Variants in NTN1 observed in about 807,000 individuals in gnomAD.
NTN1 encodes the protein netrin 1, also known as netrin-1.
NTN1 carries 11 observed loss-of-function variants against 54.2 expected under a neutral mutation model. The ratio of observed to expected loss-of-function variants is 0.20; its 90% CI spans 0.13 to 0.34. The LOEUF (loss-of-function observed/expected upper bound fraction) is 0.34. NTN1 is among the 10% of genes least tolerant of loss of function. NTN1 has a pLI of 1.00. For synonymous variants in NTN1, 371 were observed against 382.0 expected (o/e 0.97, Z 0.33); for missense variants, 740 against 893.1 (o/e 0.83, Z 2.18).
chr17:9,054,447 C>T (rs879851186), intron 2 of NTN1, among the ~76,000 whole-genome samples: 14 of 152,072 alleles, frequency 9.2e-5, no homozygotes, highest in Non-Finnish European at 1.6e-4. Flanking sequence ...GAATGGAAGG[C>T]GGGGCAGCGA....
chr17:9,227,876 TCA>T (rs1233336488), intron 6 of NTN1, among the ~76,000 whole-genome samples: 1 of 150,216 alleles, frequency 6.7e-6, no homozygotes, highest in Non-Finnish European at 1.5e-5. Context: ...ACACACCCCA[TCA>T]CACACACACC....
intron 4 of NTN1, among the ~76,000 whole-genome samples, chr17:9,182,349 C>T (rs909202547): frequency 2.0e-5 from 3 of 152,246 alleles, no homozygotes; most frequent in Admixed American, 2.0e-4. Flanking sequence ...CTTGGATCTG[C>T]ACTCTCAGTC....
chr17:9,123,652 G>T (rs1039206732), intron 2 of NTN1, among the ~76,000 whole-genome samples: 1 of 152,076 alleles, frequency 6.6e-6, no homozygotes, highest in African/African-American at 2.4e-5. Flanking sequence ...AAAGTCAAGT[G>T]TAACTATTGT....
In NTN1 at chr17:9,239,320, G is replaced by A. The variant is rs926002368; in HGVS notation, c.1487-320G>A. 3.9e-5 allele frequency among the ~76,000 whole-genome samples: 6 copies of A among 152,218 alleles called. No homozygotes were observed. Among genetic ancestry groups the A allele is most frequent in the Non-Finnish European group, 7.3e-5 (5 of 68,036 alleles). On this transcript the variant is annotated intron_variant, in intron 6 of 6. Coordinates refer to ENST00000173229, the MANE Select transcript of NTN1 (RefSeq NM_004822.3). This position sits in a 1 kb window ranked among gnomAD's most constrained non-coding sequence, Gnocchi z 5.2. ...CCCGAGCGCCTGCCCTGGGCAGACA[G>A]CTTGCCCAGAGTGCTGGGGGCGTGG...
At chr17:9,058,660 A>G (rs1044850476) in intron 2 of NTN1, among the ~76,000 whole-genome samples, 22 of 151,016 alleles carry the variant, frequency 1.5e-4, no homozygotes, top group African/African-American at 2.2e-4. Flanking sequence ...AAAAAAAAAA[A>G]AAAAGAAAAG....
chr17:9,137,934 GT>G (rs2092286167), intron 2 of NTN1, among the ~76,000 whole-genome samples: 1 of 152,226 alleles, frequency 6.6e-6, no homozygotes, highest in East Asian at 1.9e-4. Context: ...CAGGGCCCAC[GT>G]GCCTGCAGTG....
chr17:9,232,777 C>G (rs1330366193), intron 6 of NTN1, among the ~76,000 whole-genome samples: 2 of 152,102 alleles, frequency 1.3e-5, no homozygotes, highest in Non-Finnish European at 2.9e-5. Flanking sequence ...TCCCACACTC[C>G]CCGGCAAGGA....
the NTN1 span, among the ~76,000 whole-genome samples, chr17:9,012,193 C>T: frequency 2.0e-5 from 3 of 152,006 alleles, no homozygotes; most frequent in African/African-American, 7.3e-5. Flanking sequence ...TGAGCTCATC[C>T]CTACCACTCC....
intron 2 of NTN1, among the ~76,000 whole-genome samples, chr17:9,139,748 A>G (rs1486230045): frequency 6.6e-6 from 1 of 152,188 alleles, no homozygotes; most frequent in African/African-American, 2.4e-5. Context: ...AAATGTATTT[A>G]CCATTATGAA....
intron 5 of NTN1, among the ~76,000 whole-genome samples, chr17:9,186,967 C>T (rs747490538): frequency 6.6e-6 from 1 of 151,928 alleles, no homozygotes; most frequent in Non-Finnish European, 1.5e-5. Flanking sequence ...AAAATGGGCA[C>T]CTGAGGGCTA....
intron 2 of NTN1, among the ~76,000 whole-genome samples, chr17:9,077,334 T>C (rs1370045554): frequency 1.3e-5 from 2 of 152,134 alleles, no homozygotes. Flanking sequence ...AGAACAGAAG[T>C]TCAGATAAAT....
At chr17:9,161,508 G>A (rs1009598896) in intron 2 of NTN1, among the ~76,000 whole-genome samples, 3 of 152,136 alleles carry the variant, frequency 2.0e-5, no homozygotes, top group Non-Finnish European at 2.9e-5. Flanking sequence ...GGCTGAGTGT[G>A]GTGGCTCACG....
the NTN1 span, among the ~76,000 whole-genome samples, chr17:9,013,505 C>G: frequency 6.6e-6 from 1 of 152,116 alleles, no homozygotes; most frequent in Admixed American, 6.5e-5. Context: ...TGTGAGCCAC[C>G]TCGCCCGGCC....
At chr17:9,024,675 G>T (rs1028623120) in intron 2 of NTN1, among the ~76,000 whole-genome samples, 1 of 152,252 alleles carries the variant, frequency 6.6e-6, no homozygotes, top group Non-Finnish European at 1.5e-5. Context: ...GGGCCGGATC[G>T]CCGCAGAGGC....
rs1036469299 is a variant in NTN1, at chr17:9,240,149, C to T, written c.*181C>T. ...CGGCGGCCCCTCCCCCTACCCCCAC[C>T]CTGCGCGCTCTGGGCGGGAGCCGCG... On this transcript the variant is annotated 3_prime_UTR_variant, in exon 7 of 7. Coordinates refer to ENST00000173229, the MANE Select transcript of NTN1 (RefSeq NM_004822.3). 1.1e-4 allele frequency: 26 copies of T among 246,662 alleles called. No individual in the cohort carries two copies. Among genetic ancestry groups the T allele is most frequent in the African/African-American group, 5.5e-4 (24 of 43,410 alleles). The allele number at this position is 246,662 out of a possible 1,614,324, so 15.3% of individuals were successfully genotyped here.
intron 2 of NTN1, among the ~76,000 whole-genome samples, chr17:9,073,723 A>C (rs986849213): frequency 2.0e-5 from 3 of 152,126 alleles, no homozygotes; most frequent in Admixed American, 2.0e-4. Flanking sequence ...TGGGAATTGC[A>C]CCTGTTGATC....
intron 2 of NTN1, among the ~76,000 whole-genome samples, chr17:9,108,193 ACT>A (rs940151832): frequency 6.6e-6 from 1 of 152,100 alleles, no homozygotes; most frequent in Non-Finnish European, 1.5e-5. Flanking sequence ...TGAAGAAAAG[ACT>A]CTGGGCTGAG....
the NTN1 span, among the ~76,000 whole-genome samples, chr17:9,014,048 C>T: frequency 4.6e-5 from 7 of 152,208 alleles, no homozygotes; most frequent in Non-Finnish European, 1.0e-4. Context: ...GCTTCTATGC[C>T]CAGCTCCTGA....
intron 2 of NTN1, among the ~76,000 whole-genome samples, chr17:9,130,759 C>T (rs2092262135): frequency 6.6e-6 from 1 of 152,310 alleles, no homozygotes; most frequent in Non-Finnish European, 1.5e-5. Context: ...TGTCATTACC[C>T]TACCCTGATT....
Sources: allele counts gnomAD v4.1 joint callset (sites outside exome capture counted in the v4.1 genomes callset), GRCh38; gene constraint gnomAD v4.1.1; non-coding constraint Gnocchi (gnomAD v3.1); transcripts MANE v1.5; gene names NCBI Gene and HGNC (gene_info 2026-07-23, HGNC 2026-07-21).